The following CHCHD6 variants were observed in gnomAD, a reference collection of about 807,000 sequenced individuals.
CHCHD6 encodes coiled-coil-helix-coiled-coil-helix domain containing 6, also known as MICOS complex subunit MIC25.
CHCHD6 carries 28 observed loss-of-function variants against 32.3 expected under a neutral mutation model. The observed-to-expected ratio is 0.87, with a 90% CI of 0.64 to 1.19. The LOEUF (loss-of-function observed/expected upper bound fraction) is 1.19, where lower values mean the gene tolerates loss of function less well. Ranked by LOEUF, CHCHD6 falls within the 50% of genes most tolerant of loss-of-function variation. The pLI is 0.00. For missense variants in CHCHD6, 333 were observed against 307.0 expected (o/e 1.08, Z -0.63); for synonymous variants, 122 against 117.5 (o/e 1.04, Z -0.25).
intron 5 of CHCHD6, among the ~76,000 whole-genome samples, chr3:126,882,335 G>A (rs527414007): frequency 5.3e-5 from 8 of 152,120 alleles, no homozygotes; most frequent in African/African-American, 7.2e-5. Flanking sequence ...TACCTTGGCC[G>A]CTGTGTCAGG....
chr3:126,814,121 T>C (rs1418767582), intron 4 of CHCHD6, among the ~76,000 whole-genome samples: 3 of 152,178 alleles, frequency 2.0e-5, no homozygotes, highest in East Asian at 1.9e-4. Flanking sequence ...TCAAGGTGGG[T>C]TATCGATATC....
chr3:126,932,761 C>T (rs1268065845), intron 6 of CHCHD6, among the ~76,000 whole-genome samples: 6 of 152,218 alleles, frequency 3.9e-5, no homozygotes, highest in Admixed American at 6.5e-5. Flanking sequence ...GTGACCAGAT[C>T]GGGCTGACAC....
At chr3:126,919,317 C>CTTTTTT (rs756862821) in intron 6 of CHCHD6, among the ~76,000 whole-genome samples, 2 of 68,130 alleles carry the variant, frequency 2.9e-5, no homozygotes, top group Non-Finnish European at 6.8e-5. Flanking sequence ...TTTCTTTTTT[C>CTTTTTT]TTTTTTTTTT....
chr3:126,862,177 T>TCAC (rs1941927378), intron 5 of CHCHD6, among the ~76,000 whole-genome samples: 1 of 56,104 alleles, frequency 1.8e-5, no homozygotes, highest in Non-Finnish European at 3.4e-5. Context: ...CATCACCACC[T>TCAC]CCTCCTCCAC....
chr3:126,862,429 T>C (rs1380620752), intron 5 of CHCHD6, among the ~76,000 whole-genome samples: 1 of 69,482 alleles, frequency 1.4e-5, no homozygotes, highest in Admixed American at 1.7e-4. Flanking sequence ...CATCACCACC[T>C]CCTCCTCCTC....
intron 4 of CHCHD6, among the ~76,000 whole-genome samples, chr3:126,831,501 A>C (rs114249804): frequency 1.3e-5 from 2 of 152,206 alleles, no homozygotes; most frequent in Non-Finnish European, 2.9e-5. Flanking sequence ...ACCTTGTTTC[A>C]TCTATCTCAG....
chr3:126,953,644 A>G (rs531495936), intron 6 of CHCHD6, among the ~76,000 whole-genome samples: 3 of 152,344 alleles, frequency 2.0e-5, no homozygotes, highest in African/African-American at 4.8e-5. Context: ...AATGAGGAAC[A>G]TAAGAGCCAG....
chr3:126,825,807 ATATAACT>A (rs894391212), intron 4 of CHCHD6, among the ~76,000 whole-genome samples: 10 of 152,144 alleles, frequency 6.6e-5, no homozygotes, highest in Non-Finnish European at 1.2e-4. Context: ...TGCAGATAGC[ATATAACT>A]TGTCTTTCTC....
intron 4 of CHCHD6, among the ~76,000 whole-genome samples, chr3:126,829,136 C>T (rs1415737490): frequency 1.3e-5 from 2 of 152,110 alleles, no homozygotes; most frequent in Non-Finnish European, 2.9e-5. Flanking sequence ...CTCTAATGAC[C>T]GTTTTTATTG....
At chr3:126,707,873 G>C (rs1173098110) in intron 1 of CHCHD6, among the ~76,000 whole-genome samples, 1 of 152,198 alleles carries the variant, frequency 6.6e-6, no homozygotes, top group Admixed American at 6.5e-5. Flanking sequence ...TCACCTCAGT[G>C]AATGTCCACT....
At chr3:126,948,794 C>T (rs2078675231) in intron 6 of CHCHD6, among the ~76,000 whole-genome samples, 3 of 152,242 alleles carry the variant, frequency 2.0e-5, no homozygotes, top group Admixed American at 2.0e-4. Context: ...TAGTACCTGG[C>T]TTCGAATTGA....
At chr3:126,856,692 G>A (rs1016980641) in intron 5 of CHCHD6, among the ~76,000 whole-genome samples, 25 of 152,328 alleles carry the variant, frequency 1.6e-4, no homozygotes, top group African/African-American at 5.8e-4. Flanking sequence ...TCGTCTCCTA[G>A]TAGAAACCTT....
At chr3:126,953,643 C>T (rs908730800) in intron 6 of CHCHD6, among the ~76,000 whole-genome samples, 1 of 152,184 alleles carries the variant, frequency 6.6e-6, no homozygotes, top group African/African-American at 2.4e-5. Context: ...CAATGAGGAA[C>T]ATAAGAGCCA....
intron 6 of CHCHD6, among the ~76,000 whole-genome samples, chr3:126,927,196 G>A (rs897485686): frequency 6.6e-6 from 1 of 152,192 alleles, no homozygotes; most frequent in African/African-American, 2.4e-5. Context: ...TAGAGAGGTG[G>A]CTGGGGAGCT....
intron 4 of CHCHD6, among the ~76,000 whole-genome samples, chr3:126,776,191 C>T (rs542910165): frequency 6.6e-6 from 1 of 152,152 alleles, no homozygotes; most frequent in Non-Finnish European, 1.5e-5. Flanking sequence ...TGCTACAGTG[C>T]GTTTTAGTGT....
chr3:126,913,052 A>G (rs2078115824), intron 5 of CHCHD6, among the ~76,000 whole-genome samples: 1 of 152,118 alleles, frequency 6.6e-6, no homozygotes, highest in Non-Finnish European at 1.5e-5. Context: ...TTGAAGTCCT[A>G]CAAATGTGCA....
Position 126,754,689 on chromosome 3 carries a change from A to C in CHCHD6, c.411+21467A>C, listed in dbSNP as rs1171505061. ...GGGGAGATTGATTTTTGCCAGTGTA[A>C]CTGCTGCTAGGAACCCTGATGTCTC... On this transcript the variant is annotated intron_variant, in intron 4 of 7. Coordinates refer to ENST00000290913, the MANE Select transcript of CHCHD6 (RefSeq NM_032343.3). Among the ~76,000 whole-genome samples, 3 of 152,180 alleles carry C rather than the reference A, an allele frequency of 2.0e-5. No homozygotes were observed. In the East Asian group the frequency reaches 5.8e-4, roughly 29 times the overall value.
At chr3:126,745,088 G>A (rs951229957) in intron 4 of CHCHD6, among the ~76,000 whole-genome samples, 9 of 152,186 alleles carry the variant, frequency 5.9e-5, no homozygotes, top group East Asian at 1.9e-4. Context: ...TGGGATTCTC[G>A]TTGGCAGAAC....
intron 4 of CHCHD6, among the ~76,000 whole-genome samples, chr3:126,831,314 C>T (rs545330279): frequency 2.0e-5 from 3 of 152,174 alleles, no homozygotes; most frequent in Admixed American, 6.5e-5. Flanking sequence ...CATAAGCCAC[C>T]GTACCCGGCC....
Sources: gnomAD v4.1 joint callset for allele counts (sites outside exome capture counted in the v4.1 genomes callset) on GRCh38, gnomAD v4.1.1 for gene constraint, MANE v1.5 for transcripts, NCBI Gene and HGNC (gene_info 2026-07-23, HGNC 2026-07-21) for gene names.